Variants in DOCK7 observed in about 807,000 individuals in gnomAD.
The protein encoded by DOCK7 is dedicator of cytokinesis protein 7.
DOCK7 carries 138 observed loss-of-function variants against 271.0 expected under a neutral mutation model. The ratio of observed to expected loss-of-function variants is 0.51; its 90% CI spans 0.44 to 0.59. DOCK7 has a LOEUF of 0.59. DOCK7 is among the 20% of genes least tolerant of loss of function. DOCK7 has a pLI of 0.00. For synonymous variants in DOCK7, 823 were observed against 876.1 expected (o/e 0.94, Z 1.07); for missense variants, 2,066 against 2,592.4 (o/e 0.80, Z 4.41).
chr1:62,683,693 G>C (rs1263478062), intron 1 of DOCK7, among the ~76,000 whole-genome samples: 1 of 152,178 alleles, frequency 6.6e-6, no homozygotes, highest in Non-Finnish European at 1.5e-5. Flanking sequence ...CCAGCACTTT[G>C]GGAGGCCGAG....
intron 30 of DOCK7, among the ~76,000 whole-genome samples, chr1:62,528,657 C>T (rs1476997522): frequency 6.6e-6 from 1 of 152,196 alleles, no homozygotes; most frequent in Non-Finnish European, 1.5e-5. Context: ...TGTCAAAGTT[C>T]TTAATACACA....
At chr1:62,506,886 G>C (rs940954848) in intron 35 of DOCK7, among the ~76,000 whole-genome samples, 10 of 151,420 alleles carry the variant, frequency 6.6e-5, no homozygotes, top group Non-Finnish European at 1.2e-4. Context: ...GGCGGAGGTT[G>C]TGGTGAGCTG....
intron 46 of DOCK7, 62 bp downstream of exon 46, chr1:62,475,645 T>C: frequency 7.0e-7 from 1 of 1,436,578 alleles, no homozygotes; most frequent in South Asian, 1.2e-5. Flanking sequence ...ACATCTGAGT[T>C]GTTGTTACAT....
intron 1 of DOCK7, among the ~76,000 whole-genome samples, chr1:62,682,406 TA>T (rs1661271222): frequency 6.6e-6 from 1 of 152,214 alleles, no homozygotes; most frequent in South Asian, 2.1e-4. Flanking sequence ...GGCATTCATT[TA>T]AACACTTTAT....
intron 14 of DOCK7, among the ~76,000 whole-genome samples, chr1:62,610,429 A>G (rs1038514996): frequency 2.0e-5 from 3 of 152,110 alleles, no homozygotes; most frequent in African/African-American, 4.8e-5. Flanking sequence ...TTACCAGTAT[A>G]TAAGATTTTG....
Position 62,652,770 on chromosome 1 carries a change from G to A in DOCK7, c.389+955C>T, listed in dbSNP as rs1359659160. On this transcript the variant is annotated intron_variant, in intron 4 of 49. Transcript: ENST00000635253. Reference sequence around the variant, plus strand: ...TTTTGAATTATCTGACTGAGAAACAGTATTCTTCAGTAATGTCTAAAATTT... The same window carrying A: ...TTTTGAATTATCTGACTGAGAAACAATATTCTTCAGTAATGTCTAAAATTT... Among the ~76,000 whole-genome samples the A allele has an allele frequency of 2.6e-5, 4 of 152,126 alleles. No individual in the cohort carries two copies. The East Asian group carries it at 5.8e-4, about 22-fold the overall frequency.
intron 14 of DOCK7, among the ~76,000 whole-genome samples, chr1:62,594,397 C>T (rs918280698): frequency 6.6e-6 from 1 of 152,034 alleles, no homozygotes; most frequent in African/African-American, 2.4e-5. Context: ...TACCAAGAGA[C>T]AATATACTAG....
chr1:62,664,575 C>A (rs945571637), intron 1 of DOCK7, among the ~76,000 whole-genome samples: 5 of 152,258 alleles, frequency 3.3e-5, no homozygotes, highest in Middle Eastern at 3.4e-3. Context: ...AAAACTCCTA[C>A]ACGGGATGTT....
chr1:62,637,393 GT>G (rs1478310500), intron 7 of DOCK7, among the ~76,000 whole-genome samples: 1 of 152,116 alleles, frequency 6.6e-6, no homozygotes, highest in Non-Finnish European at 1.5e-5. Flanking sequence ...TAGAGTAGAG[GT>G]TCTCAATGAA....
intron 48 of DOCK7, among the ~76,000 whole-genome samples, chr1:62,470,436 G>A (rs1485391597): frequency 7.2e-5 from 11 of 152,046 alleles, no homozygotes; most frequent in Admixed American, 7.2e-4. Flanking sequence ...GGGAAGGGAT[G>A]AGGGATAAAA....
At chr1:62,525,949 T>TC (rs1350915992) in intron 31 of DOCK7, among the ~76,000 whole-genome samples, 1 of 152,224 alleles carries the variant, frequency 6.6e-6, no homozygotes, top group Non-Finnish European at 1.5e-5. Flanking sequence ...ACCTTTTTTT[T>TC]CTTTTGAGAC....
intron 1 of DOCK7, 72 bp from the exon 2 acceptor site, chr1:62,663,202 A>C (rs1658881708): frequency 1.7e-6 from 2 of 1,185,434 alleles, no homozygotes; most frequent in Non-Finnish European, 2.4e-6. Flanking sequence ...AAATGGAGGG[A>C]AGCTAAATAC....
At chr1:62,518,398 T>A (rs557981350) in intron 31 of DOCK7, among the ~76,000 whole-genome samples, 1 of 152,202 alleles carries the variant, frequency 6.6e-6, no homozygotes, top group South Asian at 2.1e-4. Flanking sequence ...GGTGAAACCC[T>A]GTGTCTACTA....
intron 14 of DOCK7, chr1:62,604,661 A>C: frequency 6.2e-7 from 1 of 1,613,284 alleles, no homozygotes; most frequent in Non-Finnish European, 8.5e-7. Context: ...ATGAGTGTGG[A>C]GAAAACAACC....
chr1:62,583,690 A>G (rs1386794385), intron 15 of DOCK7, among the ~76,000 whole-genome samples: 2 of 152,178 alleles, frequency 1.3e-5, no homozygotes, highest in Admixed American at 1.3e-4. Flanking sequence ...ATTATATATG[A>G]TATCAGAAAT....
In DOCK7 at chr1:62,460,437, T is replaced by C. The variant is rs149578869; in HGVS notation, c.6213-2732A>G. On this transcript the variant is annotated intron_variant, in intron 48 of 49. Coordinates refer to ENST00000635253, the MANE Select transcript of DOCK7 (RefSeq NM_001367561.1). ...ACAACTATTTACATTATATATTAGG[T>C]ATTTTAAGTAGTCTAAAATGATTTA... is the stretch of plus-strand genomic sequence containing the variant. Among the ~76,000 whole-genome samples the C allele has an allele frequency of 3.4e-3, 519 of 152,310 alleles. 8 individuals carry two copies. The highest frequency in any genetic ancestry group is 0.011 in the African/African-American group (472 of 41,556).
rs1646322209 is a variant in DOCK7, at chr1:62,487,304, T to C, written c.5508+94A>G. The C allele has an allele frequency of 1.7e-5, 21 of 1,230,900 alleles. No homozygotes were observed. The South Asian group carries it at 2.8e-4, about 17-fold the overall frequency. The allele number at this position is 1,230,900 out of a possible 1,614,324, so 76.2% of individuals were successfully genotyped here. A position where few individuals can be genotyped will look rare whatever the true frequency, so the allele number is the denominator to read the frequency against. Reference sequence around the variant, plus strand: ...CAGTTGATAGCAGATAGCAACAGAATGCCCACAGCTAGCACATGTGGGCAA... The same window carrying C: ...CAGTTGATAGCAGATAGCAACAGAACGCCCACAGCTAGCACATGTGGGCAA... On this transcript the variant is annotated intron_variant, in intron 43 of 49. Transcript: ENST00000635253.
intron 48 of DOCK7, among the ~76,000 whole-genome samples, chr1:62,460,507 C>T (rs1053664695): frequency 3.3e-5 from 5 of 151,812 alleles, no homozygotes; most frequent in African/African-American, 1.2e-4. Context: ...AATACTACAC[C>T]ATTTTATATA....
chr1:62,659,266 G>C (rs1399095634), intron 2 of DOCK7, among the ~76,000 whole-genome samples: 1 of 152,106 alleles, frequency 6.6e-6, no homozygotes, highest in Admixed American at 6.6e-5. Context: ...ATTATATACA[G>C]GAGAGGGTAA....
Sources: gnomAD v4.1 joint callset for allele counts (sites outside exome capture counted in the v4.1 genomes callset) on GRCh38, gnomAD v4.1.1 for gene constraint, MANE v1.5 for transcripts, NCBI Gene and HGNC (gene_info 2026-07-23, HGNC 2026-07-21) for gene names.